Variants in UNC13B observed in about 807,000 individuals in gnomAD.
UNC13B encodes the protein unc-13 homolog B, also known as protein unc-13 homolog B.
Under a neutral mutation model 211.0 loss-of-function variants are expected in UNC13B, and 144 were observed. That is an observed-to-expected ratio of 0.68 (90% CI 0.60 to 0.78). UNC13B has a LOEUF of 0.78. Ranked by LOEUF, UNC13B falls within the 30% of genes least tolerant of loss-of-function variation. UNC13B has a pLI of 0.00. For missense variants in UNC13B, 1,777 were observed against 2,002.0 expected (o/e 0.89, Z 2.14); for synonymous variants, 709 against 725.8 (o/e 0.98, Z 0.37).
chr9:35,368,409 A>G (rs1833909854), intron 12 of UNC13B, among the ~76,000 whole-genome samples: 1 of 152,218 alleles, frequency 6.6e-6, no homozygotes, highest in Non-Finnish European at 1.5e-5. Flanking sequence ...TTATGGCCAC[A>G]TAGTATTCTG....
At chr9:35,344,800 G>A (rs973122978) in intron 11 of UNC13B, among the ~76,000 whole-genome samples, 4 of 152,176 alleles carry the variant, frequency 2.6e-5, no homozygotes, top group Admixed American at 2.6e-4. Context: ...TCACAATGTA[G>A]TGTGAGATTC....
intron 1 of UNC13B, among the ~76,000 whole-genome samples, chr9:35,199,754 G>A (rs1471331172): frequency 6.6e-6 from 1 of 152,176 alleles, no homozygotes; most frequent in African/African-American, 2.4e-5. Flanking sequence ...TTTGTCAGAT[G>A]AGTAGATTGC....
At chr9:35,376,545 C>T (rs997560475) in intron 15 of UNC13B, among the ~76,000 whole-genome samples, 1 of 152,180 alleles carries the variant, frequency 6.6e-6, no homozygotes, top group Non-Finnish European at 1.5e-5. Context: ...GTAGTGTATA[C>T]AGCACAGCGG....
chr9:35,251,312 G>A (rs1427466130), intron 6 of UNC13B, among the ~76,000 whole-genome samples: 1 of 152,122 alleles, frequency 6.6e-6, no homozygotes, highest in Non-Finnish European at 1.5e-5. Context: ...CCAGCCGGGT[G>A]TGTTGGCTCA....
In UNC13B at chr9:35,399,042, C is replaced by T. The variant is rs1228904593; in HGVS notation, c.12074+8C>T. On this transcript the variant is annotated splice_region_variant and intron_variant, in intron 33 of 39. Transcript: ENST00000635942. ...GGACTTCCTGGATGGCAAGTGAGTA[C>T]AGCATTCAGGACTATCCTGTGGGGA... 1.9e-6 allele frequency: 3 copies of T among 1,613,662 alleles called. No homozygotes were observed. The highest frequency in any genetic ancestry group is 1.7e-6 in the Non-Finnish European group (2 of 1,179,792).
chr9:35,371,476 G>A (rs991371971), intron 13 of UNC13B, among the ~76,000 whole-genome samples: 2 of 151,594 alleles, frequency 1.3e-5, no homozygotes, highest in Non-Finnish European at 1.5e-5. Context: ...CACCATGCCC[G>A]ACTCCTCCTT....
At chr9:35,318,782 G>A (rs1830590472) in intron 11 of UNC13B, among the ~76,000 whole-genome samples, 1 of 152,178 alleles carries the variant, frequency 6.6e-6, no homozygotes, top group African/African-American at 2.4e-5. Context: ...GTATACCAAG[G>A]GGATATGCAT....
At chr9:35,181,201 C>T (rs924144942) in intron 1 of UNC13B, among the ~76,000 whole-genome samples, 2 of 152,134 alleles carry the variant, frequency 1.3e-5, no homozygotes, top group African/African-American at 4.8e-5. Flanking sequence ...TCTCTAGTGC[C>T]TTGATAGGGA....
At position 35,182,978 on chromosome 9, in the gene UNC13B, C is replaced by T. The variant is rs548639367; in HGVS notation, c.22+20673C>T. Among the ~76,000 whole-genome samples the T allele has an allele frequency of 3.2e-4, 48 of 152,290 alleles. 1 individual carries two copies. The South Asian group carries it at 6.4e-3, about 20-fold the overall frequency. On this transcript the variant is annotated intron_variant, in intron 1 of 39. Transcript: ENST00000635942. The stretch of plus-strand genomic sequence containing the variant: ...GTCATCATGGCCCGTTCTTGATGGT[C>T]GCTGTCTCTTCAGAGCTGTTGGGTA...
chr9:35,376,850 T>C (rs891835477), intron 15 of UNC13B, among the ~76,000 whole-genome samples: 2 of 152,164 alleles, frequency 1.3e-5, no homozygotes, highest in Non-Finnish European at 2.9e-5. Flanking sequence ...AGCAACAAGT[T>C]CTTGTTAGAG....
chr9:35,384,416 T>C, intron 22 of UNC13B, 102 bp downstream of exon 22: 1 of 1,512,596 alleles, frequency 6.6e-7, no homozygotes. Flanking sequence ...CAGGGAAAAC[T>C]GGTCTGTGTC....
chr9:35,379,957 G>A (rs1834709517), intron 17 of UNC13B, among the ~76,000 whole-genome samples: 1 of 152,124 alleles, frequency 6.6e-6, no homozygotes, highest in Non-Finnish European at 1.5e-5. Flanking sequence ...ACAATTCAAT[G>A]GGATATGATA....
At chr9:35,250,321 T>TCTCCATTCTTCCCTATCCTCCTCAGC (rs1475126556) in intron 6 of UNC13B, among the ~76,000 whole-genome samples, 41 of 152,330 alleles carry the variant, frequency 2.7e-4, no homozygotes, top group Middle Eastern at 3.4e-3. Context: ...TAGTCATCAG[T>TCTCCATTCTTCCCTATCCTCCTCAGC]CTCCATTCTT....
intron 1 of UNC13B, among the ~76,000 whole-genome samples, chr9:35,167,642 C>T (rs568276649): frequency 1.5e-5 from 2 of 136,924 alleles, no homozygotes; most frequent in East Asian, 4.2e-4. Flanking sequence ...GGCTGGAGTG[C>T]AGTGGCGCCC....
At chr9:35,402,121 C>T (rs1403021313) in intron 37 of UNC13B, 3 of 961,784 alleles carry the variant, frequency 3.1e-6, no homozygotes, top group East Asian at 2.7e-5. Context: ...GGTTTAGGAG[C>T]TCTATCTCAA....
intron 1 of UNC13B, among the ~76,000 whole-genome samples, chr9:35,189,852 G>A (rs1822557718): frequency 6.6e-6 from 1 of 152,132 alleles, no homozygotes; most frequent in African/African-American, 2.4e-5. Context: ...TATATTTTTA[G>A]TAGAGATGGG....
At chr9:35,384,137 C>T (rs1835029899) in intron 21 of UNC13B, 109 bp from the exon 22 acceptor site, 1 of 1,526,572 alleles carries the variant, frequency 6.6e-7, no homozygotes, top group Non-Finnish European at 8.9e-7. Flanking sequence ...CAACCCAATG[C>T]CTCCCGACTC....
chr9:35,204,676 A>G (rs1368024384), intron 1 of UNC13B, among the ~76,000 whole-genome samples: 2 of 152,142 alleles, frequency 1.3e-5, no homozygotes, highest in East Asian at 1.9e-4. Flanking sequence ...TCTTTTGCCC[A>G]ATTTCTCCTT....
intron 24 of UNC13B, 84 bp downstream of exon 24, chr9:35,386,377 A>C: frequency 6.4e-7 from 1 of 1,568,220 alleles, no homozygotes; most frequent in Non-Finnish European, 8.7e-7. Flanking sequence ...GTGGAAAAGC[A>C]CTCAGGACAA....
Sources: allele counts gnomAD v4.1 joint callset (sites outside exome capture counted in the v4.1 genomes callset), GRCh38; gene constraint gnomAD v4.1.1; transcripts MANE v1.5; gene names NCBI Gene and HGNC (gene_info 2026-07-23, HGNC 2026-07-21).